GALNT17: variants seen among roughly 807,000 people sequenced by gnomAD.
The protein encoded by GALNT17 is polypeptide N-acetylgalactosaminyltransferase 17.
Under a neutral mutation model 63.7 loss-of-function variants are expected in GALNT17, and 29 were observed. That is an observed-to-expected ratio of 0.46 (90% CI 0.34 to 0.62). GALNT17 has a LOEUF of 0.62. Ranked by LOEUF, GALNT17 falls within the 20% of genes least tolerant of loss-of-function variation. GALNT17 has a pLI of 0.01. For missense variants in GALNT17, 603 were observed against 799.6 expected, an observed-to-expected ratio of 0.75 and a Z score of 2.97; for synonymous variants, 305 against 318.3, an observed-to-expected ratio of 0.96 and a Z score of 0.45.
At chr7:71,486,968 G>A (rs1490731811) in intron 5 of GALNT17, among the ~76,000 whole-genome samples, 1 of 152,164 alleles carries the variant, frequency 6.6e-6, no homozygotes, top group African/African-American at 2.4e-5. Context: ...TGACTGCAGG[G>A]TGCTGCCCTG....
intron 6 of GALNT17, among the ~76,000 whole-genome samples, chr7:71,595,894 C>T (rs1274307372): frequency 6.6e-6 from 1 of 152,048 alleles, no homozygotes; most frequent in African/African-American, 2.4e-5. Context: ...TTGGAAAAGA[C>T]AATTTGTTGC....
chr7:71,160,434 A>G (rs1386433185), intron 1 of GALNT17, among the ~76,000 whole-genome samples: 3 of 152,158 alleles, frequency 2.0e-5, no homozygotes, highest in Non-Finnish European at 2.9e-5. Flanking sequence ...GCTGCTTTCA[A>G]ATTTTTATTA....
At chr7:71,239,505 C>T (rs1789956449) in intron 1 of GALNT17, among the ~76,000 whole-genome samples, 1 of 152,204 alleles carries the variant, frequency 6.6e-6, no homozygotes, top group Non-Finnish European at 1.5e-5. Flanking sequence ...TAAAAAAATA[C>T]TGTGTTCATG....
At chr7:71,415,567 C>T (rs1402078630) in intron 3 of GALNT17, among the ~76,000 whole-genome samples, 1 of 152,068 alleles carries the variant, frequency 6.6e-6, no homozygotes, top group Non-Finnish European at 1.5e-5. Context: ...GGATTCTGGC[C>T]AAGTTTGGAG....
intron 5 of GALNT17, among the ~76,000 whole-genome samples, chr7:71,493,644 A>G (rs1788046217): frequency 6.6e-6 from 1 of 152,148 alleles, no homozygotes; most frequent in African/African-American, 2.4e-5. Context: ...CTATGATCCA[A>G]TGATCTCCCC....
chr7:71,385,857 A>G (rs945671701), intron 2 of GALNT17, among the ~76,000 whole-genome samples: 2 of 152,184 alleles, frequency 1.3e-5, no homozygotes, highest in South Asian at 4.1e-4. Context: ...GCTTGAGGTC[A>G]GGAGTTGAAG....
At chr7:71,475,630 C>G (rs1583985767) in intron 5 of GALNT17, among the ~76,000 whole-genome samples, 1 of 152,188 alleles carries the variant, frequency 6.6e-6, no homozygotes, top group South Asian at 2.1e-4. Flanking sequence ...AGGTTCCTAA[C>G]AGGCTGCAGA....
At chr7:71,207,282 T>C (rs1170356037) in intron 1 of GALNT17, among the ~76,000 whole-genome samples, 1 of 152,236 alleles carries the variant, frequency 6.6e-6, no homozygotes, top group East Asian at 1.9e-4. Flanking sequence ...TTCTCATCTT[T>C]GACTTGTAAG....
At chr7:71,655,084 T>C (rs1790809530) in intron 6 of GALNT17, among the ~76,000 whole-genome samples, 1 of 152,072 alleles carries the variant, frequency 6.6e-6, no homozygotes, top group African/African-American at 2.4e-5. Context: ...TGAGACACCA[T>C]GCTCAGCCTA....
intron 6 of GALNT17, among the ~76,000 whole-genome samples, chr7:71,616,302 A>G (rs1357966447): frequency 6.6e-6 from 1 of 151,970 alleles, no homozygotes; most frequent in African/African-American, 2.4e-5. Flanking sequence ...CCGTCCTCTC[A>G]GAGACTTGAT....
chr7:71,554,432 A>G (rs1029161177), intron 5 of GALNT17, among the ~76,000 whole-genome samples: 1 of 151,714 alleles, frequency 6.6e-6, no homozygotes, highest in African/African-American at 2.4e-5. Context: ...AGTCCATTAA[A>G]CCTCTTTCCT....
chr7:71,539,388 G>T (rs1788851401), intron 5 of GALNT17, among the ~76,000 whole-genome samples: 1 of 152,174 alleles, frequency 6.6e-6, no homozygotes, highest in South Asian at 2.1e-4. Context: ...AACCTATTGA[G>T]AATTAATTAT....
intron 1 of GALNT17, among the ~76,000 whole-genome samples, chr7:71,301,879 G>A (rs763442414): frequency 5.3e-5 from 8 of 152,206 alleles, no homozygotes; most frequent in Non-Finnish European, 7.3e-5. Flanking sequence ...TGCTTTATAT[G>A]CAGGGGTGGA....
intron 6 of GALNT17, among the ~76,000 whole-genome samples, chr7:71,628,467 C>T (rs746433046): frequency 2.0e-5 from 3 of 152,032 alleles, no homozygotes; most frequent in South Asian, 4.2e-4. Flanking sequence ...GGATTACAGG[C>T]GTGTACCACC....
chr7:71,206,949 C>CA (rs528451155), intron 1 of GALNT17, among the ~76,000 whole-genome samples: 45 of 151,692 alleles, frequency 3.0e-4, no homozygotes, highest in South Asian at 2.9e-3. Flanking sequence ...ACTAAAAATA[C>CA]AAAAAAAATA....
At chr7:71,259,626 G>GTTTTTTTTTTTTTTTTT (rs1230386882) in intron 1 of GALNT17, among the ~76,000 whole-genome samples, 1 of 137,104 alleles carries the variant, frequency 7.3e-6, no homozygotes, top group African/African-American at 2.9e-5. Flanking sequence ...TCTTGGTCCT[G>GTTTTTTTTTTTTTTTTT]TTTTGTTTTT....
intron 2 of GALNT17, among the ~76,000 whole-genome samples, chr7:71,361,802 G>C (rs143993092): frequency 9.2e-5 from 14 of 152,130 alleles, no homozygotes; most frequent in African/African-American, 2.9e-4. Flanking sequence ...GAGAGAGAGA[G>C]AGAGACAGAG....
At chr7:71,514,263 G>A (rs1294158383) in intron 5 of GALNT17, among the ~76,000 whole-genome samples, 1 of 152,140 alleles carries the variant, frequency 6.6e-6, no homozygotes, top group African/African-American at 2.4e-5. Context: ...GGCATTATGG[G>A]AGCACACTGG....
chr7:71,292,668 A>AGTGTGTGT (rs201057078), intron 1 of GALNT17, among the ~76,000 whole-genome samples: 1 of 67,460 alleles, frequency 1.5e-5, no homozygotes, highest in African/African-American at 5.1e-5. Flanking sequence ...AGAGAGAGAG[A>AGTGTGTGT]GTGTGTGTGT....
Sources: allele counts gnomAD v4.1 joint callset (sites outside exome capture counted in the v4.1 genomes callset), GRCh38; gene constraint gnomAD v4.1.1; transcripts MANE v1.5; gene names NCBI Gene and HGNC (gene_info 2026-07-23, HGNC 2026-07-21).